Variants in MACROD2 observed in about 807,000 individuals in gnomAD.
MACROD2 encodes mono-ADP ribosylhydrolase 2.
Under a neutral mutation model 70.4 loss-of-function variants are expected in MACROD2, and 36 were observed. That is an observed-to-expected ratio of 0.51 (90% CI 0.39 to 0.68). MACROD2 has a LOEUF of 0.68. Among genes scored for constraint, MACROD2 ranks in the 30% least tolerant of loss-of-function variants. The probability of loss-of-function intolerance (pLI) is 0.00; values close to 1 mark genes in which losing one functional copy is unlikely to be tolerated. For missense variants in MACROD2, 496 were observed against 538.4 expected, an observed-to-expected ratio of 0.92 and a Z score of 0.78; for synonymous variants, 172 against 178.8, an observed-to-expected ratio of 0.96 and a Z score of 0.30.
intron 5 of MACROD2, among the ~76,000 whole-genome samples, chr20:14,704,755 T>TA (rs575980042): frequency 2.3e-3 from 344 of 152,306 alleles, no homozygotes; most frequent in Non-Finnish European, 4.1e-3. Flanking sequence ...ACCAGACTCT[T>TA]ACCACATTTG....
At chr20:15,665,957 A>G (rs2049891565) in intron 8 of MACROD2, among the ~76,000 whole-genome samples, 1 of 151,414 alleles carries the variant, frequency 6.6e-6, no homozygotes, top group South Asian at 2.1e-4. Context: ...TCTTGGAGAT[A>G]TGCTTGATAT....
chr20:14,430,456 TC>T (rs1332694552), intron 3 of MACROD2, among the ~76,000 whole-genome samples: 22 of 152,238 alleles, frequency 1.4e-4, no homozygotes, highest in Admixed American at 1.3e-3. Context: ...CATTTAGCAA[TC>T]GGTTTGATAT....
In MACROD2 at chr20:15,256,971, C is replaced by T. The variant is rs117813844; in HGVS notation, c.540+26910C>T. ...GCAACTTTATGCTATAACTTAAACA[C>T]ACTAAAAAGTGTGTTTAAATTTTAT... On this transcript the variant is annotated intron_variant, in intron 6 of 17. Coordinates refer to ENST00000684519, the MANE Select transcript of MACROD2 (RefSeq NM_001351661.2). Among the ~76,000 whole-genome samples the T allele has an allele frequency of 3.5e-3, 534 of 152,032 alleles. 4 individuals are homozygous for T. Among genetic ancestry groups the T allele is most frequent in the South Asian group, 0.012 (60 of 4,814 alleles).
intron 8 of MACROD2, among the ~76,000 whole-genome samples, chr20:15,605,273 C>G (rs138592522): frequency 3.3e-5 from 5 of 152,238 alleles, no homozygotes; most frequent in African/African-American, 1.2e-4. Context: ...GTCTTCCTCT[C>G]TCTGAGCACT....
At chr20:15,722,680 TTTTA>T (rs2050803360) in intron 8 of MACROD2, among the ~76,000 whole-genome samples, 1 of 152,156 alleles carries the variant, frequency 6.6e-6, no homozygotes. Context: ...CTTATCTTTT[TTTTA>T]TTTTACTCTT....
intron 5 of MACROD2, among the ~76,000 whole-genome samples, chr20:14,734,701 G>C (rs1379233846): frequency 1.3e-5 from 2 of 152,062 alleles, no homozygotes; most frequent in Non-Finnish European, 2.9e-5. Context: ...TAAAGAAGGA[G>C]AAAGTTGGAG....
chr20:15,530,947 T>C (rs2047789950), intron 8 of MACROD2, among the ~76,000 whole-genome samples: 1 of 151,800 alleles, frequency 6.6e-6, no homozygotes, highest in South Asian at 2.1e-4. Context: ...ACAAAATCTT[T>C]CTACATTTTG....
At chr20:14,347,609 G>T (rs1157008702) in intron 3 of MACROD2, among the ~76,000 whole-genome samples, 1 of 152,140 alleles carries the variant, frequency 6.6e-6, no homozygotes, top group Non-Finnish European at 1.5e-5. Context: ...AGGGAAGAGA[G>T]ATGAGGCTTT....
chr20:14,379,264 C>T (rs188242867), intron 3 of MACROD2, among the ~76,000 whole-genome samples: 10 of 152,088 alleles, frequency 6.6e-5, no homozygotes, highest in South Asian at 4.1e-4. Flanking sequence ...AGAATCTGTG[C>T]GTTTCACCTG....
intron 3 of MACROD2, among the ~76,000 whole-genome samples, chr20:14,427,175 G>A (rs949339605): frequency 6.6e-6 from 1 of 151,444 alleles, no homozygotes; most frequent in African/African-American, 2.4e-5. Flanking sequence ...ATAATAAATT[G>A]ATTTTATTCG....
chr20:15,732,432 A>G (rs1443032285), intron 8 of MACROD2, among the ~76,000 whole-genome samples: 1 of 152,168 alleles, frequency 6.6e-6, no homozygotes. Flanking sequence ...CACAAGAATC[A>G]ATATTCTTTA....
intron 6 of MACROD2, among the ~76,000 whole-genome samples, chr20:15,421,680 T>G (rs2076849753): frequency 6.6e-6 from 1 of 152,202 alleles, no homozygotes; most frequent in Non-Finnish European, 1.5e-5. Context: ...ACTTAATCAT[T>G]TATTCATTTA....
intron 5 of MACROD2, among the ~76,000 whole-genome samples, chr20:15,107,395 T>C (rs2075919473): frequency 3.3e-5 from 5 of 152,078 alleles, no homozygotes; most frequent in Admixed American, 3.3e-4. Flanking sequence ...GTTGTCAAGC[T>C]CTTTTAATTT....
At chr20:14,666,101 C>G (rs111286271) in intron 4 of MACROD2, among the ~76,000 whole-genome samples, 21 of 152,116 alleles carry the variant, frequency 1.4e-4, no homozygotes, top group African/African-American at 4.8e-4. Context: ...GGTTTTATGA[C>G]TCTGCTGAAA....
rs150585353 is a variant in MACROD2, at chr20:14,306,928, T to C, written c.272-186551T>C. On this transcript the variant is annotated intron_variant, in intron 3 of 17. Coordinates refer to ENST00000684519, the MANE Select transcript of MACROD2 (RefSeq NM_001351661.2). ...GCCACTATTTGATACCAAACCATAG[T>C]TGGACTTGAGTTGGGTGTTGATTGC... Among the ~76,000 whole-genome samples the C allele has an allele frequency of 4.8e-3, 735 of 152,018 alleles. 5 individuals carry two copies. Among genetic ancestry groups the C allele is most frequent in the African/African-American group, 0.017 (703 of 41,466 alleles).
At chr20:15,647,098 T>G (rs181859235) in intron 8 of MACROD2, among the ~76,000 whole-genome samples, 7 of 152,334 alleles carry the variant, frequency 4.6e-5, no homozygotes, top group African/African-American at 7.2e-5. Context: ...GAATGCGTAC[T>G]CTTTGCCAAA....
chr20:15,120,834 A>T (rs6043101), intron 5 of MACROD2, among the ~76,000 whole-genome samples: 4,366 of 152,212 alleles, frequency 0.029, 216 homozygotes, highest in African/African-American at 0.1. Flanking sequence ...ACTCTAGTGA[A>T]CTTTCTTCAG....
At chr20:15,248,346 T>C (rs2077124725) in intron 6 of MACROD2, among the ~76,000 whole-genome samples, 2 of 152,206 alleles carry the variant, frequency 1.3e-5, no homozygotes, top group South Asian at 4.1e-4. Flanking sequence ...TTTAGGATGC[T>C]TGCCTCTCAG....
intron 7 of MACROD2, among the ~76,000 whole-genome samples, chr20:15,468,302 AAAAG>A (rs1185844073): frequency 6.6e-6 from 1 of 152,272 alleles, no homozygotes; most frequent in East Asian, 1.9e-4. Context: ...ATTAAAAAAA[AAAAG>A]AAAGAGAAAG....
Sources: allele counts gnomAD v4.1 joint callset (sites outside exome capture counted in the v4.1 genomes callset), GRCh38; gene constraint gnomAD v4.1.1; transcripts MANE v1.5; gene names NCBI Gene and HGNC (gene_info 2026-07-23, HGNC 2026-07-21).